ZNF483: variants seen among roughly 807,000 people sequenced by gnomAD.
The protein encoded by ZNF483 is zinc finger protein 483, also known as zinc finger protein HIT-10.
Under a neutral mutation model 28.6 loss-of-function variants are expected in ZNF483, and 9 were observed. The observed-to-expected ratio is 0.32, with a 90% CI of 0.19 to 0.55. The LOEUF (loss-of-function observed/expected upper bound fraction) is 0.55. ZNF483 is among the 20% of genes least tolerant of loss of function. ZNF483 has a pLI of 0.93. For missense variants in ZNF483, 675 were observed against 871.7 expected (o/e 0.77, Z 2.84); for synonymous variants, 322 against 306.2 (o/e 1.05, Z -0.54).
intron 5 of ZNF483, among the ~76,000 whole-genome samples, chr9:111,571,724 G>A (rs377405195): frequency 1.3e-5 from 2 of 151,956 alleles, no homozygotes; most frequent in Admixed American, 1.3e-4. Flanking sequence ...GCTCTGGTTT[G>A]AAACTCCTGG....
rs770852306 is a variant in ZNF483, at chr9:111,543,863, T to G, written c.*693T>G. On this transcript the variant is annotated 3_prime_UTR_variant, in exon 6 of 6. Transcript: ENST00000309235. ...TTGAACTCCTGGGCTCAAGTGATCC[T>G]TCCATCTCACTTTCCTGAGTAGCTG... 1.0e-5 allele frequency: 10 copies of G among 974,502 alleles called. No homozygotes were observed. The highest frequency in any genetic ancestry group is 1.1e-5 in the Non-Finnish European group (9 of 820,234). The allele number at this position is 974,502 out of a possible 1,614,324, so 60.4% of individuals were successfully genotyped here. A position where few individuals can be genotyped will look rare whatever the true frequency, so the allele number is the denominator to read the frequency against.
intron 5 of ZNF483, among the ~76,000 whole-genome samples, chr9:111,573,913 A>G (rs566313946): frequency 6.6e-6 from 1 of 152,280 alleles, no homozygotes; most frequent in South Asian, 2.1e-4. Flanking sequence ...GCACCAGAGA[A>G]ATAAAACAAG....
chr9:111,562,841 A>G (rs1055747522), intron 5 of ZNF483: 8 of 766,108 alleles, frequency 1.0e-5, no homozygotes, highest in African/African-American at 3.6e-5. Flanking sequence ...GAATGAAAAC[A>G]TACAGTGTTT....
chr9:111,531,189 C>G (rs964297107), intron 3 of ZNF483, among the ~76,000 whole-genome samples: 4 of 151,828 alleles, frequency 2.6e-5, no homozygotes, highest in African/African-American at 9.7e-5. Context: ...AGAGCAAGAC[C>G]CTGTCTCTAA....
chr9:111,566,232 C>A (rs1232984980), intron 5 of ZNF483, among the ~76,000 whole-genome samples: 1 of 151,302 alleles, frequency 6.6e-6, no homozygotes, highest in Non-Finnish European at 1.5e-5. Flanking sequence ...AATAAATAAA[C>A]ACCTAACTAA....
chr9:111,576,575 C>T, exon 6 of ZNF483: 1 of 743,956 alleles, frequency 1.3e-6, no homozygotes, highest in Admixed American at 3.1e-5. Flanking sequence ...AGGCAAGTTA[C>T]TTAACACTTC....
chr9:111,541,970 T>C lies in ZNF483; in HGVS notation c.1035T>C (p.Leu345=). ...AACCCTTCAGTTTTCATTCAGACCT[T>C]GTTCTGAACCGCAAGGAGAAAACCG... ...SKKPFSFHSD[L]VLNRKEKTAG... Residue 345 remains leucine (L), a synonymous_variant, in exon 6 of 6, where the codon CTT becomes CTC. Coordinates refer to ENST00000309235, the MANE Select transcript of ZNF483 (RefSeq NM_133464.5). 6.2e-7 allele frequency: 1 copy of C among 1,614,088 alleles called. No individual in the cohort carries two copies. Among genetic ancestry groups the C allele is most frequent in the African/African-American group, 1.3e-5 (1 of 75,046 alleles).
rs1408938660 is a variant in ZNF483 at position 111,548,380 on chromosome 9, C to A, written c.*5210C>A. Reference sequence around the variant, plus strand: ...TTTTGCCTCCTTGGTCAAGTTTATTCTTGAGTATTTTATGTTTTTGATGCT... The same window carrying A: ...TTTTGCCTCCTTGGTCAAGTTTATTATTGAGTATTTTATGTTTTTGATGCT... On this transcript the variant is annotated 3_prime_UTR_variant, in exon 6 of 6. Transcript: ENST00000309235. Among the ~76,000 whole-genome samples the A allele has an allele frequency of 2.6e-5, 4 of 152,080 alleles. No individual in the cohort carries two copies. The highest frequency in any genetic ancestry group is 7.2e-5 in the African/African-American group (3 of 41,402).
At chr9:111,572,094 T>G (rs983402819) in intron 5 of ZNF483, among the ~76,000 whole-genome samples, 1 of 152,202 alleles carries the variant, frequency 6.6e-6, no homozygotes, top group African/African-American at 2.4e-5. Context: ...GAATCTAGCT[T>G]CAGCATCTTT....
Position 111,566,407 on chromosome 9 carries a change from C to T in ZNF483, c.722-9958C>T, listed in dbSNP as rs755821701. ...CCAGCCCGGCACTGCAAGTGCTATACTGGGAAGAGTGCCAAGCTCCAGTGG... is the reference window on the plus strand; with the variant it reads ...CCAGCCCGGCACTGCAAGTGCTATATTGGGAAGAGTGCCAAGCTCCAGTGG... On this transcript the variant is annotated intron_variant, in intron 5 of 5. Transcript: ENST00000358151. 2.0e-5 allele frequency among the ~76,000 whole-genome samples: 3 copies of T among 152,306 alleles called. No homozygotes were observed. In the South Asian group the frequency reaches 6.2e-4, roughly 32 times the overall value.
intron 5 of ZNF483, chr9:111,576,341 T>G: frequency 6.2e-7 from 1 of 1,613,742 alleles, no homozygotes; most frequent in Non-Finnish European, 8.5e-7. Flanking sequence ...CAGTACTCAC[T>G]AAGCTTTCCC....
downstream of ZNF483, among the ~76,000 whole-genome samples, chr9:111,556,448 A>G (rs1025338059): frequency 2.0e-5 from 3 of 152,218 alleles, no homozygotes; most frequent in African/African-American, 7.2e-5. Flanking sequence ...ATCCCTCTGC[A>G]CTGCCGTAGT....
In ZNF483 at chr9:111,547,718, A is replaced by C. The variant is rs1490907018; in HGVS notation, c.*4548A>C. Among the ~76,000 whole-genome samples the C allele has an allele frequency of 6.6e-6, 1 of 152,148 alleles. No homozygotes were observed. Among genetic ancestry groups the C allele is most frequent in the East Asian group, 1.9e-4 (1 of 5,202 alleles). The stretch of plus-strand genomic sequence containing the variant: ...TGGTCATACCCAAGAAACCATGGCC[A>C]AATCCAATGTCATGAAGCTTTTCTC... On this transcript the variant is annotated 3_prime_UTR_variant, in exon 6 of 6. Coordinates refer to ENST00000309235, the MANE Select transcript of ZNF483 (RefSeq NM_133464.5).
rs1827917605 is a variant in ZNF483, at chr9:111,550,755, GT to G, written c.*7586del. Among the ~76,000 whole-genome samples, 1 of 152,074 alleles carries G rather than the reference GT, an allele frequency of 6.6e-6. No homozygotes were observed. Among genetic ancestry groups the G allele is most frequent in the African/African-American group, 2.4e-5 (1 of 41,396 alleles). ...TGTTGTGAATGTTTTTATCTCTGCT[GT>G]CATATTTTTATTTCCAAGTGCATTA... On this transcript the variant is annotated 3_prime_UTR_variant, in exon 6 of 6. Transcript: ENST00000309235.
In ZNF483 at chr9:111,543,166, A is replaced by T. The variant is rs1827714163; in HGVS notation, c.2231A>T (p.Glu744Val). Reference protein sequence around the residue: ...LIRHRGFHSAE With the variant: ...LIRHRGFHSAV ...AGACATCGGGGATTTCACTCTGCAG[A>T]GTAATCCTGGAACTACATTAAAGTG... The change falls in exon 6 of 6, where the codon GAG becomes GTG. Residue 744 changes from glutamate to valine, a missense_variant. Glu to Val is a moderately radical substitution (Grantham distance 121, BLOSUM62 -2). Coordinates refer to ENST00000309235, the MANE Select transcript of ZNF483 (RefSeq NM_133464.5). 6.3e-7 allele frequency: 1 copy of T among 1,597,832 alleles called. No individual in the cohort carries two copies. The highest frequency in any genetic ancestry group is 8.5e-7 in the Non-Finnish European group (1 of 1,172,418).
intron 5 of ZNF483, among the ~76,000 whole-genome samples, chr9:111,537,104 T>A (rs1589272477): frequency 6.6e-6 from 1 of 152,168 alleles, no homozygotes; most frequent in South Asian, 2.1e-4. Context: ...TATTCAAGAT[T>A]TACAGTATTG....
chr9:111,567,864 A>G (rs1828635632), intron 5 of ZNF483, among the ~76,000 whole-genome samples: 1 of 152,316 alleles, frequency 6.6e-6, no homozygotes, highest in Non-Finnish European at 1.5e-5. Flanking sequence ...AGAGGAACAT[A>G]AATTGTGAAG....
intron 1 of ZNF483, 102 bp from the exon 2 acceptor site, chr9:111,527,166 A>G (rs1200615832): frequency 7.8e-6 from 3 of 384,742 alleles, no homozygotes; most frequent in African/African-American, 2.0e-5. Flanking sequence ...CTTTGCTGGT[A>G]TGTGTGTGGA....
At chr9:111,562,307 G>A (rs1222648600) in intron 5 of ZNF483, among the ~76,000 whole-genome samples, 5 of 142,672 alleles carry the variant, frequency 3.5e-5, no homozygotes, top group African/African-American at 5.2e-5. Context: ...ATAGAGTCTC[G>A]CTCTGTCACC....
Sources: gnomAD v4.1 joint callset for allele counts (sites outside exome capture counted in the v4.1 genomes callset) on GRCh38, gnomAD v4.1.1 for gene constraint, MANE v1.5 for transcripts, NCBI Gene and HGNC (gene_info 2026-07-23, HGNC 2026-07-21) for gene names.